Variants in SAMD12 observed in about 807,000 individuals in gnomAD.
SAMD12 encodes the protein sterile alpha motif domain containing 12.
Under a neutral mutation model 15.0 loss-of-function variants are expected in SAMD12, and 9 were observed. The ratio of observed to expected loss-of-function variants is 0.60; its 90% CI spans 0.36 to 1.05. The LOEUF is 1.05. Among genes scored for constraint, SAMD12 ranks in the 50% least tolerant of loss-of-function variants. The pLI, the probability that SAMD12 is intolerant of heterozygous loss-of-function variation, is 0.01. For missense variants in SAMD12, 230 were observed against 234.2 expected (o/e 0.98, Z 0.12); for synonymous variants, 86 against 90.1 (o/e 0.96, Z 0.25).
At chr8:118,507,513 T>C (rs543136650) in intron 2 of SAMD12, among the ~76,000 whole-genome samples, 2 of 152,214 alleles carry the variant, frequency 1.3e-5, no homozygotes, top group Admixed American at 1.3e-4. Context: ...AAAAAACCCC[T>C]GAGGCTCAGA....
intron 2 of SAMD12, among the ~76,000 whole-genome samples, chr8:118,490,121 A>AT (rs1824401893): frequency 1.3e-5 from 2 of 152,198 alleles, no homozygotes; most frequent in Admixed American, 1.3e-4. Context: ...AGAGTCTGCT[A>AT]TTGTTGATGT....
At chr8:118,347,200 A>AT (rs34161291) in intron 4 of SAMD12, among the ~76,000 whole-genome samples, 27,234 of 152,192 alleles carry the variant, frequency 0.18, 2,731 homozygotes, top group Non-Finnish European at 0.24. Flanking sequence ...AAGTGCTGGA[A>AT]TTACAGGCAT....
intron 4 of SAMD12, chr8:118,284,125 C>T (rs1444818112): frequency 5.6e-6 from 2 of 359,406 alleles, no homozygotes; most frequent in Non-Finnish European, 1.1e-5. Flanking sequence ...TAAATAATGC[C>T]CTTCCATGTA....
At position 118,553,422 on chromosome 8, in the gene SAMD12, G is replaced by T. The variant is rs994758171; in HGVS notation, c.192+27293C>A. 1.3e-3 allele frequency among the ~76,000 whole-genome samples: 195 copies of T among 152,224 alleles called. 1 individual carries two copies. Among genetic ancestry groups the T allele is most frequent in the African/African-American group, 4.5e-3 (188 of 41,528 alleles). ...TCTTTGACAAACCTGAGAAAAACAAGAAATGGGGAAAGGATTCCCTATTTA... is the reference window on the plus strand; with the variant it reads ...TCTTTGACAAACCTGAGAAAAACAATAAATGGGGAAAGGATTCCCTATTTA... On this transcript the variant is annotated intron_variant, in intron 2 of 3. Coordinates refer to ENST00000314727, the MANE Select transcript of SAMD12 (RefSeq NM_207506.3).
chr8:118,139,690 A>G, the SAMD12 span, among the ~76,000 whole-genome samples: 4 of 152,058 alleles, frequency 2.6e-5, no homozygotes, highest in African/African-American at 9.7e-5. Flanking sequence ...TCTGGCTAAG[A>G]TTCTATCTGT....
In SAMD12 at chr8:118,621,950, A is replaced by C. The variant is rs988144456; in HGVS notation, c.-134T>G. 3 of 1,123,968 alleles carry C rather than the reference A, an allele frequency of 2.7e-6. No individual in the cohort carries two copies. Among genetic ancestry groups the C allele is most frequent in the Non-Finnish European group, 4.1e-6 (3 of 738,780 alleles). 69.6% of individuals were successfully genotyped at this position (1,123,968 alleles called of 1,614,324 possible). A position where few individuals can be genotyped will look rare whatever the true frequency, so the allele number is the denominator to read the frequency against. Reference sequence around the variant, plus strand: ...GCTCCAGGACCAACCTGCCGCGGTCACGCAAAGCGAGGCAGCCGGCTCCCG... The same window carrying C: ...GCTCCAGGACCAACCTGCCGCGGTCCCGCAAAGCGAGGCAGCCGGCTCCCG... On this transcript the variant is annotated 5_prime_UTR_variant, in exon 1 of 4. Transcript: ENST00000314727.
intron 4 of SAMD12, among the ~76,000 whole-genome samples, chr8:118,305,014 TG>T (rs1410884717): frequency 6.8e-6 from 1 of 147,936 alleles, no homozygotes; most frequent in Non-Finnish European, 1.5e-5. Flanking sequence ...ACAGGTGTGG[TG>T]GTGGGCGCCC....
At chr8:118,423,765 A>G (rs998980037) in intron 3 of SAMD12, among the ~76,000 whole-genome samples, 1 of 151,974 alleles carries the variant, frequency 6.6e-6, no homozygotes, top group African/African-American at 2.4e-5. Context: ...GGTCTTGGAA[A>G]CTCACTTTCC....
chr8:118,617,918 C>A (rs1468835768), intron 1 of SAMD12, among the ~76,000 whole-genome samples: 1 of 152,136 alleles, frequency 6.6e-6, no homozygotes, highest in Non-Finnish European at 1.5e-5. Flanking sequence ...GTTTAACCGT[C>A]TATACACAGT....
chr8:118,313,940 T>C (rs1815754747), intron 4 of SAMD12, among the ~76,000 whole-genome samples: 1 of 151,796 alleles, frequency 6.6e-6, no homozygotes, highest in Admixed American at 6.6e-5. Flanking sequence ...GGGGATCTCA[T>C]GCTGATGAAT....
chr8:118,366,886 AAAT>A (rs1563800121), intron 4 of SAMD12, among the ~76,000 whole-genome samples: 3 of 39,624 alleles, frequency 7.6e-5, no homozygotes, highest in East Asian at 4.2e-4. Context: ...TAAAATAATA[AAAT>A]AAAATAAAAT....
intron 4 of SAMD12, among the ~76,000 whole-genome samples, chr8:118,366,920 T>TA (rs1818833729): frequency 7.8e-6 from 1 of 127,568 alleles, no homozygotes; most frequent in Non-Finnish European, 1.7e-5. Context: ...AAAATAAAAA[T>TA]GAACAAAATG....
intron 4 of SAMD12, among the ~76,000 whole-genome samples, chr8:118,369,762 AAAC>A (rs201436221): frequency 2.0e-5 from 3 of 152,014 alleles, no homozygotes; most frequent in Admixed American, 1.3e-4. Flanking sequence ...AACAAAAATA[AAAC>A]AACAACAACA....
intron 4 of SAMD12, among the ~76,000 whole-genome samples, chr8:118,253,879 A>C (rs1181965282): frequency 6.6e-6 from 1 of 152,190 alleles, no homozygotes; most frequent in African/African-American, 2.4e-5. Flanking sequence ...ACCAAGAAGA[A>C]AATGCCCAGA....
rs1036500259 is a variant in SAMD12, at chr8:118,472,299, A to G, written c.193-32338T>C. On this transcript the variant is annotated intron_variant, in intron 2 of 3. Transcript: ENST00000314727. ...GAGACTCCATCTAAAAAAAAAAAAA[A>G]AGAGTACAAGTACATAATAATGCCA... Among the ~76,000 whole-genome samples, 122 of 152,126 alleles carry G rather than the reference A, an allele frequency of 8.0e-4. 2 individuals carry two copies. The highest frequency in any genetic ancestry group is 2.8e-3 in the African/African-American group (117 of 41,500).
At chr8:118,247,319 T>C (rs2129995555) in intron 4 of SAMD12, among the ~76,000 whole-genome samples, 2 of 152,216 alleles carry the variant, frequency 1.3e-5, no homozygotes, top group Admixed American at 6.5e-5. Flanking sequence ...TTCAGTTATA[T>C]AGAAGGATTA....
At chr8:118,277,028 T>C (rs574701663) in intron 4 of SAMD12, among the ~76,000 whole-genome samples, 147 of 152,232 alleles carry the variant, frequency 9.7e-4, no homozygotes, top group South Asian at 5.0e-3. Flanking sequence ...AGTTTTTTTT[T>C]CCACAAGCTT....
At chr8:118,300,455 C>A (rs767220037) in intron 4 of SAMD12, among the ~76,000 whole-genome samples, 3 of 152,138 alleles carry the variant, frequency 2.0e-5, no homozygotes, top group Admixed American at 6.5e-5. Flanking sequence ...AGGAAAGGGG[C>A]AACAGAGAGT....
At chr8:118,391,058 T>C (rs971805743) in intron 3 of SAMD12, among the ~76,000 whole-genome samples, 1 of 152,118 alleles carries the variant, frequency 6.6e-6, no homozygotes, top group East Asian at 1.9e-4. Flanking sequence ...AATACACAGC[T>C]CACACACAGT....
Sources: gnomAD v4.1 joint callset for allele counts (sites outside exome capture counted in the v4.1 genomes callset) on GRCh38, gnomAD v4.1.1 for gene constraint, MANE v1.5 for transcripts, NCBI Gene and HGNC (gene_info 2026-07-23, HGNC 2026-07-21) for gene names.